H6PD: variants seen among roughly 807,000 people sequenced by gnomAD.
H6PD encodes the protein GDH/6PGL endoplasmic bifunctional protein.
H6PD carries 48 observed loss-of-function variants against 61.2 expected under a neutral mutation model. The observed-to-expected ratio is 0.78, with a 90% CI of 0.62 to 1.00. The LOEUF is 1.00. Among genes scored for constraint, H6PD ranks in the 50% least tolerant of loss-of-function variants. The probability of loss-of-function intolerance (pLI) is 0.00; values close to 1 mark genes in which losing one functional copy is unlikely to be tolerated. For missense variants in H6PD, 1,093 were observed against 1,065.0 expected (o/e 1.03, Z -0.37); for synonymous variants, 480 against 457.9 (o/e 1.05, Z -0.62).
intron 1 of H6PD, among the ~76,000 whole-genome samples, chr1:9,238,626 T>C (rs1316121181): frequency 6.6e-6 from 1 of 152,198 alleles, no homozygotes; most frequent in East Asian, 1.9e-4. Flanking sequence ...TTACTGATAA[T>C]GGGGAAAGCT....
chr1:9,245,221 C>T lies in H6PD; in HGVS notation c.287C>T (p.Ala96Val), dbSNP rs1641130705. 2 of 1,614,216 alleles carry T rather than the reference C, an allele frequency of 1.2e-6. No homozygotes were observed. Among genetic ancestry groups the T allele is most frequent in the South Asian group, 1.1e-5 (1 of 91,086 alleles). Residue 96 changes from alanine to valine, a missense_variant, in exon 2 of 5, where the codon GCA becomes GTA. Transcript: ENST00000377403. The surrounding 1 kb of genome is among the most constrained non-coding windows in gnomAD (Gnocchi z 4.8). ...AAGGACATGGCACCCAGTCACTGTG[C>T]AGAGCACAAGGATCAGTTCCTGCAG... ...CPKDMAPSHCAEHKDQFLQLS... is the reference protein window; with the variant it reads ...CPKDMAPSHCVEHKDQFLQLS...
In H6PD at chr1:9,261,574, G is replaced by C. The variant is rs185590012; in HGVS notation, c.746-485G>C. ...TGCGCCCGGTAGTGAGGTGGCACTT[G>C]TTAGTCTCATCCAAGGGCAGGATGC... On this transcript the variant is annotated intron_variant, in intron 3 of 4. Coordinates refer to ENST00000377403, the MANE Select transcript of H6PD (RefSeq NM_004285.4). Among the ~76,000 whole-genome samples, 1,011 of 152,312 alleles carry C rather than the reference G, an allele frequency of 6.6e-3. 8 individuals are homozygous for C. Among genetic ancestry groups the C allele is most frequent in the Middle Eastern group, 0.027 (8 of 294 alleles).
At chr1:9,246,612 CT>C (rs1298968333) in intron 2 of H6PD, among the ~76,000 whole-genome samples, 1 of 152,178 alleles carries the variant, frequency 6.6e-6, no homozygotes, top group Non-Finnish European at 1.5e-5. Flanking sequence ...GAGGTTTTCA[CT>C]TGTTTATGGC....
chr1:9,238,465 C>T (rs1032032747), intron 1 of H6PD, among the ~76,000 whole-genome samples: 5 of 152,116 alleles, frequency 3.3e-5, no homozygotes, highest in African/African-American at 4.8e-5. Flanking sequence ...ACGGAGATGA[C>T]GGTGGCTGGC....
Position 9,245,337 on chromosome 1 carries a change from G to A in H6PD, c.403G>A (p.Glu135Lys). The A allele has an allele frequency of 6.2e-7, 1 of 1,614,214 alleles. No individual in the cohort carries two copies. Among genetic ancestry groups the A allele is most frequent in the Non-Finnish European group, 8.5e-7 (1 of 1,180,032 alleles). Residue 135 changes from glutamate (E) to lysine (K), a missense_variant, in exon 2 of 5, where the codon GAG becomes AAG. Glu to Lys is a moderately conservative substitution (Grantham distance 56). Coordinates refer to ENST00000377403, the MANE Select transcript of H6PD (RefSeq NM_004285.4). This position sits in a 1 kb window ranked among gnomAD's most constrained non-coding sequence, Gnocchi z 4.8. The stretch of plus-strand genomic sequence containing the variant: ...ACAGCTCCAGCACGCAGGCCTCCGG[G>A]AGGCTGGCAGGATCTTCTACTTCTC... Reference protein sequence around the residue: ...EAQLQHAGLREAGRIFYFSVP... With the variant: ...EAQLQHAGLRKAGRIFYFSVP...
At chr1:9,256,423 C>T (rs939974691) in intron 3 of H6PD, among the ~76,000 whole-genome samples, 2 of 152,174 alleles carry the variant, frequency 1.3e-5, no homozygotes, top group Non-Finnish European at 2.9e-5. Flanking sequence ...CTGCCGGCTT[C>T]ATTTCTTGCC....
chr1:9,247,730 G>T (rs1229435943), intron 3 of H6PD, among the ~76,000 whole-genome samples: 1 of 152,154 alleles, frequency 6.6e-6, no homozygotes, highest in Admixed American at 6.5e-5. Context: ...GGGAGGCGGG[G>T]GCCCTGCGTC....
chr1:9,245,546 T>C lies in H6PD; in HGVS notation c.612T>C (p.His204=). Residue 204 remains histidine (H), a synonymous_variant, in exon 2 of 5, where the codon CAT becomes CAC. Transcript: ENST00000377403. The surrounding 1 kb of genome is among the most constrained non-coding windows in gnomAD (Gnocchi z 4.8). ...FQEEEMYRVD[H]YLGKQAVAQI... is the part of the protein sequence containing the mutation. Reference sequence around the variant, plus strand: ...AGGAGGAGATGTACCGGGTGGACCATTACTTAGGCAAGCAGGTGAGCATCA... The same window carrying C: ...AGGAGGAGATGTACCGGGTGGACCACTACTTAGGCAAGCAGGTGAGCATCA... The C allele has an allele frequency of 1.2e-6, 2 of 1,613,986 alleles. 1 individual carries two copies. The highest frequency in any genetic ancestry group is 2.2e-5 in the South Asian group (2 of 91,074).
intron 4 of H6PD, among the ~76,000 whole-genome samples, chr1:9,263,138 C>A (rs1159432672): frequency 6.6e-6 from 1 of 151,496 alleles, no homozygotes; most frequent in African/African-American, 2.4e-5. Flanking sequence ...TCTGTAGGAC[C>A]CCCTGACCCC....
chr1:9,239,816 G>A (rs1640945710), intron 1 of H6PD: 1 of 397,286 alleles, frequency 2.5e-6, no homozygotes, highest in Non-Finnish European at 4.4e-6. Flanking sequence ...TGGGCATAGA[G>A]GATTAGAACT....
intron 3 of H6PD, among the ~76,000 whole-genome samples, chr1:9,253,371 A>AAGC (rs934523923): frequency 6.6e-6 from 1 of 152,232 alleles, no homozygotes; most frequent in Non-Finnish European, 1.5e-5. Flanking sequence ...AATGAATAGT[A>AAGC]AGCAGATAAC....
intron 1 of H6PD, among the ~76,000 whole-genome samples, chr1:9,243,951 G>A (rs544311712): frequency 1.3e-5 from 2 of 152,288 alleles, no homozygotes; most frequent in East Asian, 3.9e-4. Context: ...AGGTCATTGG[G>A]CATGTCATGC....
At chr1:9,250,317 G>T (rs774105777) in intron 3 of H6PD, among the ~76,000 whole-genome samples, 1 of 152,002 alleles carries the variant, frequency 6.6e-6, no homozygotes, top group Non-Finnish European at 1.5e-5. Context: ...TTCGGAGCCC[G>T]CGGTCTGACT....
At chr1:9,248,458 C>T (rs945839947) in intron 3 of H6PD, among the ~76,000 whole-genome samples, 8 of 152,102 alleles carry the variant, frequency 5.3e-5, no homozygotes, top group African/African-American at 1.4e-4. Context: ...CCCAGATTCA[C>T]GGGTGCTGTG....
At chr1:9,248,241 G>A (rs1462646367) in intron 3 of H6PD, among the ~76,000 whole-genome samples, 2 of 152,250 alleles carry the variant, frequency 1.3e-5, no homozygotes, top group Non-Finnish European at 2.9e-5. Context: ...ACCCAGGGAT[G>A]GGCCAGGAGG....
chr1:9,267,443 G>A lies in H6PD; in HGVS notation c.*2574G>A, dbSNP rs1438814985. 1 of 152,256 alleles carries A rather than the reference G, an allele frequency of 6.6e-6. No homozygotes were observed. The allele number at this position is 152,256 out of a possible 1,614,324, so 9.4% of individuals were successfully genotyped here. ...GACTCCTCTCCAGTTGCAACACCAG[G>A]GAGAAAGGGGCCTCCACATGCCCAA... is the stretch of plus-strand genomic sequence containing the variant. On this transcript the variant is annotated 3_prime_UTR_variant, in exon 5 of 5. Coordinates refer to ENST00000377403, the MANE Select transcript of H6PD (RefSeq NM_004285.4).
Position 9,263,948 on chromosome 1 carries a change from C to T in H6PD, c.1455C>T (p.Phe485=). The T allele has an allele frequency of 6.2e-7, 1 of 1,614,234 alleles. No homozygotes were observed. Among genetic ancestry groups the T allele is most frequent in the South Asian group, 1.1e-5 (1 of 91,092 alleles). The change falls in exon 5 of 5, where the codon TTC becomes TTT. Residue 485 remains phenylalanine (F), a synonymous_variant. Transcript: ENST00000377403. ...AGAACTTGCTGGCCTCCTGGAACTTCTGGACCCCTCTGCTGGAGAGCCTGG... is the reference window on the plus strand; with the variant it reads ...AGAACTTGCTGGCCTCCTGGAACTTTTGGACCCCTCTGCTGGAGAGCCTGG... ...TTENLLASWN[F]WTPLLESLAH... is the part of the protein sequence containing the mutation.
chr1:9,240,265 A>G (rs1640958137), intron 1 of H6PD, among the ~76,000 whole-genome samples: 1 of 152,202 alleles, frequency 6.6e-6, no homozygotes, highest in Non-Finnish European at 1.5e-5. Context: ...CACGTAAGTC[A>G]TAGCTTCAAG....
At chr1:9,249,947 T>C (rs1641307452) in intron 3 of H6PD, among the ~76,000 whole-genome samples, 1 of 152,192 alleles carries the variant, frequency 6.6e-6, no homozygotes, top group Non-Finnish European at 1.5e-5. Context: ...TTTGTGTGCC[T>C]GCGTGCCAGG....
Sources: allele counts gnomAD v4.1 joint callset (sites outside exome capture counted in the v4.1 genomes callset), GRCh38; gene constraint gnomAD v4.1.1; non-coding constraint Gnocchi (gnomAD v3.1); transcripts MANE v1.5; gene names NCBI Gene and HGNC (gene_info 2026-07-23, HGNC 2026-07-21).